The following TSPAN18 variants were observed in gnomAD, a reference collection of about 807,000 sequenced individuals.
The protein encoded by TSPAN18 is tetraspanin-18.
A neutral mutation model predicts 27.3 loss-of-function variants in TSPAN18; 14 were observed. That is an observed-to-expected ratio of 0.51 (90% CI 0.34 to 0.80). The LOEUF (loss-of-function observed/expected upper bound fraction) is 0.80. TSPAN18 is among the 30% of genes least tolerant of loss of function. TSPAN18 has a pLI of 0.01. For synonymous variants in TSPAN18, 143 were observed against 136.5 expected, an observed-to-expected ratio of 1.05 and a Z score of -0.33; for missense variants, 268 against 323.9, an observed-to-expected ratio of 0.83 and a Z score of 1.32.
At chr11:44,771,325 A>G (rs1855685532) in intron 2 of TSPAN18, among the ~76,000 whole-genome samples, 1 of 152,212 alleles carries the variant, frequency 6.6e-6, no homozygotes, top group South Asian at 2.1e-4. Context: ...TGGATCTTCT[A>G]ATGTCTCTGT....
chr11:44,775,457 C>T (rs1855783630), intron 2 of TSPAN18, among the ~76,000 whole-genome samples: 1 of 152,202 alleles, frequency 6.6e-6, no homozygotes, highest in Non-Finnish European at 1.5e-5. Context: ...TGTTCCTGCC[C>T]ACACTTCTGG....
At chr11:44,906,865 G>T (rs1590666203) in intron 4 of TSPAN18, among the ~76,000 whole-genome samples, 1 of 152,184 alleles carries the variant, frequency 6.6e-6, no homozygotes, top group Non-Finnish European at 1.5e-5. Context: ...ACGGACTTCA[G>T]ACCTGGAGGG....
chr11:44,776,045 G>T (rs1299897626), intron 2 of TSPAN18, among the ~76,000 whole-genome samples: 2 of 152,308 alleles, frequency 1.3e-5, no homozygotes, highest in South Asian at 2.1e-4. Context: ...GAATCTCTCT[G>T]CTGGCAGAGG....
intron 2 of TSPAN18, among the ~76,000 whole-genome samples, chr11:44,806,249 G>A (rs866842874): frequency 5.9e-5 from 9 of 152,028 alleles, no homozygotes; most frequent in African/African-American, 1.2e-4. Context: ...TGGCCAGGCC[G>A]CTCTCAAACT....
intron 4 of TSPAN18, among the ~76,000 whole-genome samples, chr11:44,908,803 G>GA (rs1202468980): frequency 3.4e-5 from 4 of 116,214 alleles, no homozygotes; most frequent in Admixed American, 2.7e-4. Context: ...AAGAAAGAAA[G>GA]AAAGAAAGAA....
At chr11:44,776,402 G>A (rs1056991745) in intron 2 of TSPAN18, among the ~76,000 whole-genome samples, 3 of 152,104 alleles carry the variant, frequency 2.0e-5, no homozygotes, top group African/African-American at 4.8e-5. Context: ...TAAGCTTCAC[G>A]AGCCTTGGTT....
At chr11:44,928,052 C>G (rs965793019) in intron 9 of TSPAN18, among the ~76,000 whole-genome samples, 1 of 152,210 alleles carries the variant, frequency 6.6e-6, no homozygotes, top group Non-Finnish European at 1.5e-5. Flanking sequence ...CCTCCCCACC[C>G]CAGTGAGCCT....
rs1198996801 is a variant in TSPAN18, at chr11:44,834,132, CT to C, written c.-152-26191del. Among the ~76,000 whole-genome samples the C allele has an allele frequency of 4.6e-5, 7 of 151,940 alleles. No individual in the cohort carries two copies. The East Asian group carries it at 1.4e-3, about 29-fold the overall frequency. On this transcript the variant is annotated intron_variant, in intron 2 of 9. Transcript: ENST00000520358. ...GCTGAGGCCAGGAGCAAAGAAGGGG[CT>C]TTTTAGGATTCTTTTTTTTTCCTTT...
rs1322031849 is a variant in TSPAN18 at position 44,926,746 on chromosome 11, C to G, written c.688C>G (p.Leu230Val). 1.2e-6 allele frequency: 2 copies of G among 1,614,156 alleles called. No individual in the cohort carries two copies. The highest frequency in any genetic ancestry group is 2.2e-5 in the East Asian group (1 of 44,892). The change falls in exon 9 of 10, where the codon CTG becomes GTG. Residue 230 changes from leucine to valine, a missense_variant. Transcript: ENST00000520358. The stretch of plus-strand genomic sequence containing the variant: ...GGCCGGAGCCCTTGCCATCGGGGTA[C>G]TGGCCATCGAGGTAAGTAAAGGCCC... ...YLAGALAIGVLAIELFAMIFA... is the reference protein window; with the variant it reads ...YLAGALAIGVVAIELFAMIFA...
chr11:44,889,630 G>T (rs1022514362), intron 3 of TSPAN18, among the ~76,000 whole-genome samples: 11 of 152,260 alleles, frequency 7.2e-5, no homozygotes, highest in African/African-American at 1.9e-4. Context: ...CTGGGCTCTG[G>T]CTGCTGGAAA....
chr11:44,823,304 A>G (rs1856966011), intron 2 of TSPAN18, among the ~76,000 whole-genome samples: 1 of 152,116 alleles, frequency 6.6e-6, no homozygotes, highest in Non-Finnish European at 1.5e-5. Flanking sequence ...ATATGCTGAC[A>G]ATTCAAAGGG....
At chr11:44,897,556 G>A (rs1275635002) in intron 3 of TSPAN18, among the ~76,000 whole-genome samples, 4 of 152,200 alleles carry the variant, frequency 2.6e-5, no homozygotes, top group Non-Finnish European at 5.9e-5. Flanking sequence ...GCTGCCATCT[G>A]GGCAGAAGGC....
At chr11:44,909,530 C>T (rs1458062009) in intron 4 of TSPAN18, 175 bp from the exon 5 acceptor site, 1 of 597,080 alleles carries the variant, frequency 1.7e-6, no homozygotes, top group Non-Finnish European at 2.9e-6. Context: ...AAATTAAAAG[C>T]AATTCAAGGT....
At chr11:44,758,037 T>C (rs1445586550) in intron 1 of TSPAN18, among the ~76,000 whole-genome samples, 1 of 152,236 alleles carries the variant, frequency 6.6e-6, no homozygotes, top group Admixed American at 6.5e-5. Context: ...CAAGAAATCA[T>C]TACAAAATCC....
In TSPAN18 at chr11:44,909,839, T is replaced by C; in HGVS notation, c.198T>C (p.Phe66=). The C allele has an allele frequency of 6.2e-7, 1 of 1,614,086 alleles. No homozygotes were observed. The highest frequency in any genetic ancestry group is 8.5e-7 in the Non-Finnish European group (1 of 1,180,018). The change falls in exon 5 of 10, where the codon TTT becomes TTC. Residue 66 remains phenylalanine (F), a synonymous_variant. Coordinates refer to ENST00000520358, the MANE Select transcript of TSPAN18 (RefSeq NM_130783.5). The part of the protein sequence containing the change: ...YILLAMGGLL[F]LLGFLGCCGA... ...TCCTGGCCATGGGGGGCCTGCTCTT[T>C]CTGCTCGGCTTCCTGGGCTGCTGCG...
chr11:44,893,128 TGGCCCTGTG>T (rs1858910138), intron 3 of TSPAN18, among the ~76,000 whole-genome samples: 1 of 152,244 alleles, frequency 6.6e-6, no homozygotes, highest in Non-Finnish European at 1.5e-5. Context: ...GATTCTCTGA[TGGCCCTGTG>T]GGTGTTCTAC....
intron 2 of TSPAN18, among the ~76,000 whole-genome samples, chr11:44,810,142 G>A (rs1447348906): frequency 6.6e-6 from 1 of 152,106 alleles, no homozygotes; most frequent in Non-Finnish European, 1.5e-5. Flanking sequence ...CATTTATTGA[G>A]GTGAAATGCA....
intron 4 of TSPAN18, among the ~76,000 whole-genome samples, chr11:44,908,773 A>AAGAAAGAAAG (rs1859568985): frequency 1.0e-5 from 1 of 99,454 alleles, no homozygotes; most frequent in Non-Finnish European, 2.0e-5. Context: ...AGAAAGGAGA[A>AAGAAAGAAAG]AGAAAGAAAG....
intron 2 of TSPAN18, among the ~76,000 whole-genome samples, chr11:44,767,195 C>G (rs149224911): frequency 6.6e-6 from 1 of 152,308 alleles, no homozygotes; most frequent in African/African-American, 2.4e-5. Flanking sequence ...TCACTTGGAG[C>G]TACCTCAAGT....
Sources: allele counts gnomAD v4.1 joint callset (sites outside exome capture counted in the v4.1 genomes callset), GRCh38; gene constraint gnomAD v4.1.1; transcripts MANE v1.5; gene names NCBI Gene and HGNC (gene_info 2026-07-23, HGNC 2026-07-21).